Variants in GPR158 observed in about 807,000 individuals in gnomAD.
GPR158 encodes G protein-coupled receptor 158.
A neutral mutation model predicts 78.2 loss-of-function variants in GPR158; 30 were observed. The ratio of observed to expected loss-of-function variants is 0.38; its 90% CI spans 0.29 to 0.52. The LOEUF (loss-of-function observed/expected upper bound fraction) is 0.52, where lower values mean the gene tolerates loss of function less well. GPR158 is among the 20% of genes least tolerant of loss of function. GPR158 has a pLI of 0.83. For missense variants in GPR158, 1,463 were observed against 1,523.5 expected, an observed-to-expected ratio of 0.96 and a Z score of 0.66; for synonymous variants, 581 against 591.1, an observed-to-expected ratio of 0.98 and a Z score of 0.25.
chr10:25,558,963 T>C (rs974518208), intron 6 of GPR158, among the ~76,000 whole-genome samples: 1 of 152,204 alleles, frequency 6.6e-6, no homozygotes, highest in African/African-American at 2.4e-5. Context: ...ACGTGTTTTC[T>C]TCTATTTGGG....
At chr10:25,401,195 G>T (rs775418513) in intron 3 of GPR158, among the ~76,000 whole-genome samples, 2 of 152,022 alleles carry the variant, frequency 1.3e-5, no homozygotes, top group Admixed American at 6.6e-5. Flanking sequence ...AACTTAGACG[G>T]AATAGATTAA....
intron 1 of GPR158, among the ~76,000 whole-genome samples, chr10:25,178,507 C>G (rs1355399480): frequency 6.6e-6 from 1 of 152,172 alleles, no homozygotes; most frequent in Non-Finnish European, 1.5e-5. Context: ...GCTGAGGACA[C>G]AAAGAGTCTC....
At chr10:25,338,466 AT>A (rs1855248514) in intron 2 of GPR158, among the ~76,000 whole-genome samples, 2 of 136,434 alleles carry the variant, frequency 1.5e-5, no homozygotes, top group African/African-American at 6.0e-5. Flanking sequence ...TATATTACGT[AT>A]ATTATACGTA....
chr10:25,351,995 T>C (rs1244584055), intron 2 of GPR158, among the ~76,000 whole-genome samples: 1 of 149,592 alleles, frequency 6.7e-6, no homozygotes, highest in East Asian at 2.0e-4. Flanking sequence ...GTGAGTACTG[T>C]TTTTCTTTAA....
chr10:25,486,016 A>G (rs75816254), intron 5 of GPR158, among the ~76,000 whole-genome samples: 10,357 of 152,136 alleles, frequency 0.068, 1,018 homozygotes, highest in African/African-American at 0.22. Flanking sequence ...GAAGAAAGCT[A>G]TCTCTGAGGA....
intron 2 of GPR158, among the ~76,000 whole-genome samples, chr10:25,338,533 T>A (rs1373230605): frequency 1.2e-5 from 1 of 80,684 alleles, no homozygotes; most frequent in Non-Finnish European, 3.9e-5. Flanking sequence ...ATATTACGTA[T>A]ATTATATATA....
chr10:25,265,659 G>A (rs1006201417), intron 2 of GPR158, among the ~76,000 whole-genome samples: 1 of 152,124 alleles, frequency 6.6e-6, no homozygotes, highest in Non-Finnish European at 1.5e-5. Context: ...GCACAAAGCA[G>A]GTTATTGAAA....
At chr10:25,299,182 T>C (rs915183412) in intron 2 of GPR158, among the ~76,000 whole-genome samples, 1 of 152,226 alleles carries the variant, frequency 6.6e-6, no homozygotes, top group African/African-American at 2.4e-5. Context: ...GTAAAATGAT[T>C]ACTACAGTCA....
At chr10:25,284,888 T>A (rs1029191616) in intron 2 of GPR158, among the ~76,000 whole-genome samples, 1 of 152,168 alleles carries the variant, frequency 6.6e-6, no homozygotes, top group African/African-American at 2.4e-5. Context: ...TTATAGCATT[T>A]TTTTCCTAAT....
At chr10:25,263,057 G>A (rs1853990637) in intron 2 of GPR158, among the ~76,000 whole-genome samples, 1 of 152,086 alleles carries the variant, frequency 6.6e-6, no homozygotes, top group South Asian at 2.1e-4. Context: ...TTTTAATGAA[G>A]ACCAGCTTAT....
chr10:25,358,675 GT>G (rs1200329045), intron 2 of GPR158, among the ~76,000 whole-genome samples: 1 of 151,966 alleles, frequency 6.6e-6, no homozygotes, highest in African/African-American at 2.4e-5. Flanking sequence ...ACATCTTTCT[GT>G]TGTAAATTGC....
At chr10:25,483,609 A>C (rs1588882863) in intron 5 of GPR158, among the ~76,000 whole-genome samples, 1 of 152,118 alleles carries the variant, frequency 6.6e-6, no homozygotes, top group Non-Finnish European at 1.5e-5. Flanking sequence ...CCGAGAATTT[A>C]AATTCTCAAG....
chr10:25,323,802 G>A (rs1340355590), intron 2 of GPR158, among the ~76,000 whole-genome samples: 2 of 151,958 alleles, frequency 1.3e-5, no homozygotes, highest in Non-Finnish European at 2.9e-5. Context: ...ATAGGCTTCA[G>A]CCACTGTACC....
intron 2 of GPR158, among the ~76,000 whole-genome samples, chr10:25,338,830 G>C (rs1271582620): frequency 6.6e-6 from 1 of 150,984 alleles, no homozygotes; most frequent in Admixed American, 6.6e-5. Context: ...TGATTGGATT[G>C]CATTTAATCT....
At chr10:25,326,143 C>T (rs945445923) in intron 2 of GPR158, among the ~76,000 whole-genome samples, 57 of 152,120 alleles carry the variant, frequency 3.7e-4, no homozygotes, top group African/African-American at 1.4e-3. Flanking sequence ...TTCCTGCCCA[C>T]ATGTCCATGT....
At chr10:25,239,615 A>G (rs1482686321) in intron 2 of GPR158, among the ~76,000 whole-genome samples, 2 of 151,488 alleles carry the variant, frequency 1.3e-5, no homozygotes. Context: ...CTCAAAAAAA[A>G]AAAAAAAGTT....
intron 5 of GPR158, among the ~76,000 whole-genome samples, chr10:25,544,873 A>G (rs1009352612): frequency 1.3e-5 from 2 of 151,898 alleles, no homozygotes; most frequent in African/African-American, 4.8e-5. Flanking sequence ...CCAACCCCTG[A>G]CAGGCCCTGG....
chr10:25,572,610 G>GTTAGGTTTGCTTTCACATTT, intron 6 of GPR158, 39 bp from the exon 7 acceptor site: 1 of 1,240,176 alleles, frequency 8.1e-7, no homozygotes, highest in Non-Finnish European at 1.2e-6. Context: ...CTTTCTGAAT[G>GTTAGGTTTGCTTTCACATTT]TTAGGTTTGC....
rs552012527 is a variant in GPR158 at position 25,589,068 on chromosome 10, G to A, written c.1815G>A (p.Ser605=). 9.9e-5 allele frequency: 159 copies of A among 1,611,762 alleles called. No individual in the cohort carries two copies. The highest frequency in any genetic ancestry group is 1.7e-4 in the Middle Eastern group (1 of 6,052). The part of the protein sequence containing the change: ...YLCYAVRTVP[S]AFHEPRYMAV... ...GCTATGCAGTGCGGACAGTCCCATCGGCATTCCATGAGCCCCGCTATATGG... is the reference window on the plus strand; with the variant it reads ...GCTATGCAGTGCGGACAGTCCCATCAGCATTCCATGAGCCCCGCTATATGG... The change falls in exon 8 of 11, where the codon TCG becomes TCA. Residue 605 remains serine (S), a synonymous_variant. Transcript: ENST00000376351.
Sources: allele counts gnomAD v4.1 joint callset (sites outside exome capture counted in the v4.1 genomes callset), GRCh38; gene constraint gnomAD v4.1.1; transcripts MANE v1.5; gene names NCBI Gene and HGNC (gene_info 2026-07-23, HGNC 2026-07-21).